KCTD8: variants seen among roughly 807,000 people sequenced by gnomAD.
The protein encoded by KCTD8 is BTB/POZ domain-containing protein KCTD8.
A neutral mutation model predicts 31.5 loss-of-function variants in KCTD8; 27 were observed. That is an observed-to-expected ratio of 0.86 (90% CI 0.63 to 1.18). The LOEUF is 1.18. Ranked by LOEUF, KCTD8 falls within the 50% of genes most tolerant of loss-of-function variation. The pLI, the probability that KCTD8 is intolerant of heterozygous loss-of-function variation, is 0.00. For synonymous variants in KCTD8, 290 were observed against 280.0 expected, an observed-to-expected ratio of 1.04 and a Z score of -0.36; for missense variants, 658 against 647.7, an observed-to-expected ratio of 1.02 and a Z score of -0.17.
chr4:44,179,204 A>C (rs2109329022), intron 1 of KCTD8, among the ~76,000 whole-genome samples: 1 of 152,098 alleles, frequency 6.6e-6, no homozygotes, highest in Non-Finnish European at 1.5e-5. Flanking sequence ...CCTTCGAAAA[A>C]GTCATCTATA....
At chr4:44,237,675 C>T (rs564414730) in intron 1 of KCTD8, among the ~76,000 whole-genome samples, 7 of 152,286 alleles carry the variant, frequency 4.6e-5, no homozygotes, top group Admixed American at 1.3e-4. Context: ...AGAAGTCCAA[C>T]CACAGCTTTC....
chr4:44,332,812 C>T (rs17599605), intron 1 of KCTD8, among the ~76,000 whole-genome samples: 27,481 of 151,812 alleles, frequency 0.18, 2,785 homozygotes, highest in East Asian at 0.39. Context: ...GTTCCAAATG[C>T]ATATCACTGT....
chr4:44,420,303 A>C (rs190080142), intron 1 of KCTD8, among the ~76,000 whole-genome samples: 31 of 152,322 alleles, frequency 2.0e-4, no homozygotes, highest in African/African-American at 7.5e-4. Context: ...AAGGCAACCA[A>C]CTTGCCCAAA....
At chr4:44,378,006 A>G (rs1719957961) in intron 1 of KCTD8, among the ~76,000 whole-genome samples, 1 of 151,948 alleles carries the variant, frequency 6.6e-6, no homozygotes, top group Non-Finnish European at 1.5e-5. Context: ...CTGTGAAATG[A>G]TGAGATCGCC....
At chr4:44,218,123 CCTT>C (rs1714701693) in intron 1 of KCTD8, among the ~76,000 whole-genome samples, 1 of 136,608 alleles carries the variant, frequency 7.3e-6, no homozygotes, top group African/African-American at 2.9e-5. Flanking sequence ...TTTAAAATGT[CCTT>C]TTTTTTTTTT....
intron 1 of KCTD8, among the ~76,000 whole-genome samples, chr4:44,317,655 T>G (rs1350834274): frequency 6.6e-6 from 1 of 152,208 alleles, no homozygotes. Context: ...AGTGGAGTGC[T>G]AAGCATGTGG....
Position 44,175,241 on chromosome 4 carries a change from T to G in KCTD8, c.971A>C (p.Gln324Pro), listed in dbSNP as rs1212247441. The change falls in exon 2 of 2, where the codon CAG (glutamine) becomes CCG (proline). Residue 324 changes from glutamine (Q) to proline (P), a missense_variant. Gln to Pro is a moderately conservative substitution (Grantham distance 76, BLOSUM62 -1). Transcript: ENST00000360029. ...YTEYIFFRPPQKIVSPKQEHE... is the reference protein window; with the variant it reads ...YTEYIFFRPPPKIVSPKQEHE... ...TTCTTGTTTAGGTGATACTATTTTC[T>G]GAGGTGGTCCTAAAAAGGAGGAAAA... The G allele has an allele frequency of 6.5e-7, 1 of 1,538,496 alleles. No individual in the cohort carries two copies.
intron 1 of KCTD8, among the ~76,000 whole-genome samples, chr4:44,327,701 G>T (rs1236427824): frequency 1.3e-5 from 2 of 151,706 alleles, no homozygotes; most frequent in African/African-American, 2.4e-5. Context: ...TTTTCTGTAT[G>T]CATATCCCAG....
At position 44,292,015 on chromosome 4, in the gene KCTD8, C is replaced by T. The variant is rs182634944; in HGVS notation, c.962-116765G>A. Among the ~76,000 whole-genome samples the T allele has an allele frequency of 2.1e-5, 3 of 143,894 alleles. No individual in the cohort carries two copies. The Admixed American group carries it at 2.1e-4, about 10-fold the overall frequency. 94.4% of individuals were successfully genotyped at this position (143,894 alleles called of 152,430 possible). A position where few individuals can be genotyped will look rare whatever the true frequency, so the allele number is the denominator to read the frequency against. On this transcript the variant is annotated intron_variant, in intron 1 of 1. Transcript: ENST00000360029. ...TCAGTAAGGCTGTGGAGAAAGAACA[C>T]TTATACACTCTTGGTGGGAATATAA...
chr4:44,281,403 T>C (rs1274731322), intron 1 of KCTD8, among the ~76,000 whole-genome samples: 1 of 152,126 alleles, frequency 6.6e-6, no homozygotes, highest in Non-Finnish European at 1.5e-5. Flanking sequence ...CATGTCCTGC[T>C]TTCTCCTTGG....
chr4:44,443,868 T>C (rs2109486343), intron 1 of KCTD8, among the ~76,000 whole-genome samples: 1 of 152,320 alleles, frequency 6.6e-6, no homozygotes, highest in African/African-American at 2.4e-5. Context: ...ACATAAAATG[T>C]CTTTTTTTGT....
rs566056022 is a variant in KCTD8, at chr4:44,431,405, T to G, written c.961+16158A>C. ...GGGATAAAGATCTTACTTATTTTGT[T>G]TCCCCACCTATATTGTAAATCCCCT... On this transcript the variant is annotated intron_variant, in intron 1 of 1. Coordinates refer to ENST00000360029, the MANE Select transcript of KCTD8 (RefSeq NM_198353.3). 4.0e-4 allele frequency among the ~76,000 whole-genome samples: 60 copies of G among 151,630 alleles called. No individual in the cohort carries two copies. In the South Asian group the frequency reaches 0.011, roughly 28 times the overall value.
chr4:44,329,109 C>T (rs1404949227), intron 1 of KCTD8, among the ~76,000 whole-genome samples: 1 of 151,112 alleles, frequency 6.6e-6, no homozygotes. Flanking sequence ...TAAATATTAC[C>T]TTAGGTCTTG....
At chr4:44,217,256 T>G (rs915477785) in intron 1 of KCTD8, among the ~76,000 whole-genome samples, 1 of 152,132 alleles carries the variant, frequency 6.6e-6, no homozygotes, top group Non-Finnish European at 1.5e-5. Flanking sequence ...AAAAAGAATA[T>G]CTAAGACGCT....
chr4:44,271,162 T>C (rs1472160086), intron 1 of KCTD8, among the ~76,000 whole-genome samples: 4 of 152,132 alleles, frequency 2.6e-5, no homozygotes, highest in African/African-American at 9.7e-5. Context: ...ACTTACATTA[T>C]TGATTAAAAT....
At chr4:44,401,017 T>C (rs1307513238) in intron 1 of KCTD8, among the ~76,000 whole-genome samples, 6 of 137,880 alleles carry the variant, frequency 4.4e-5, no homozygotes, top group African/African-American at 1.6e-4. Flanking sequence ...CTTTCTTTTT[T>C]TTTTTTTTTT....
intron 1 of KCTD8, among the ~76,000 whole-genome samples, chr4:44,184,828 T>C (rs1474784368): frequency 3.9e-5 from 6 of 152,160 alleles, no homozygotes; most frequent in Non-Finnish European, 7.3e-5. Context: ...CACCCACACA[T>C]AAAAATTAGT....
chr4:44,240,355 G>C (rs771340864), intron 1 of KCTD8, among the ~76,000 whole-genome samples: 19 of 152,098 alleles, frequency 1.2e-4, no homozygotes, highest in Non-Finnish European at 2.6e-4. Context: ...GTGATTAAAG[G>C]GATTTCTGAG....
chr4:44,336,321 T>C (rs1385088592), intron 1 of KCTD8, among the ~76,000 whole-genome samples: 1 of 151,730 alleles, frequency 6.6e-6, no homozygotes, highest in Non-Finnish European at 1.5e-5. Context: ...AGAATAAATA[T>C]TTTATCAATT....
Sources: gnomAD v4.1 joint callset for allele counts (sites outside exome capture counted in the v4.1 genomes callset) on GRCh38, gnomAD v4.1.1 for gene constraint, MANE v1.5 for transcripts, NCBI Gene and HGNC (gene_info 2026-07-23, HGNC 2026-07-21) for gene names.